The following ABCA13 variants were observed in gnomAD, a reference collection of about 807,000 sequenced individuals.
The protein encoded by ABCA13 is ATP-binding cassette sub-family A member 13.
A neutral mutation model predicts 478.7 loss-of-function variants in ABCA13; 476 were observed. That is an observed-to-expected ratio of 0.99 (90% CI 0.92 to 1.07). The LOEUF is 1.07. ABCA13 is among the 50% of genes least tolerant of loss of function. ABCA13 has a pLI of 0.00. For missense variants in ABCA13, 6,060 were observed against 5,910.6 expected (o/e 1.03, Z -0.83); for synonymous variants, 2,252 against 2,158.9 (o/e 1.04, Z -1.20).
chr7:48,631,990 T>G (rs961576777), intron 59 of ABCA13, among the ~76,000 whole-genome samples: 1 of 152,180 alleles, frequency 6.6e-6, no homozygotes, highest in African/African-American at 2.4e-5. Flanking sequence ...TGTATAGCAG[T>G]GCTACTGATT....
chr7:48,411,348 G>A (rs187857490), intron 40 of ABCA13, among the ~76,000 whole-genome samples: 26 of 81,168 alleles, frequency 3.2e-4, no homozygotes, highest in African/African-American at 1.2e-3. Flanking sequence ...TTGCTCTGTT[G>A]CCCAGGCTGG....
chr7:48,317,831 A>G (rs745955071), intron 27 of ABCA13, among the ~76,000 whole-genome samples: 1 of 152,198 alleles, frequency 6.6e-6, no homozygotes, highest in Non-Finnish European at 1.5e-5. Context: ...TTGAGACACT[A>G]TGTGGCTCTG....
At chr7:48,287,647 T>A (rs1265327522) in intron 19 of ABCA13, among the ~76,000 whole-genome samples, 1 of 152,126 alleles carries the variant, frequency 6.6e-6, no homozygotes, top group Non-Finnish European at 1.5e-5. Flanking sequence ...GAAAAGCAAG[T>A]CTGTCCTGGG....
Position 48,528,255 on chromosome 7 carries a change from T to G in ABCA13, c.14264T>G (p.Val4755Gly), listed in dbSNP as rs1246320086. ...PKGECFGLLG[V>G]NGAGKSTTFK... The stretch of plus-strand genomic sequence containing the variant: ...TCTTAGTGCTTTGGACTTCTAGGGG[T>G]GAATGGAGCTGGGAAGAGCACGACT... The change falls in exon 55 of 62, where the codon GTG becomes GGG. Residue 4755 changes from valine to glycine, a missense_variant. By Grantham distance (109) the Val-to-Gly change is moderately radical. Coordinates refer to ENST00000435803, the MANE Select transcript of ABCA13 (RefSeq NM_152701.5). 1 of 1,575,458 alleles carries G rather than the reference T, an allele frequency of 6.3e-7. No individual in the cohort carries two copies. Among genetic ancestry groups the G allele is most frequent in the African/African-American group, 1.3e-5 (1 of 74,192 alleles).
At chr7:48,245,688 C>T (rs1322469130) in intron 12 of ABCA13, 76 bp downstream of exon 12, 1 of 1,510,300 alleles carries the variant, frequency 6.6e-7, no homozygotes, top group Non-Finnish European at 9.0e-7. Context: ...TTCAGTTTTG[C>T]TCCTTTTGTG....
chr7:48,592,640 GACTGGTT>G (rs916333936), intron 57 of ABCA13, among the ~76,000 whole-genome samples: 1 of 151,796 alleles, frequency 6.6e-6, no homozygotes, highest in Non-Finnish European at 1.5e-5. Context: ...TTGATTTTCT[GACTGGTT>G]ATTCAATGTA....
intron 48 of ABCA13, among the ~76,000 whole-genome samples, chr7:48,505,491 C>T (rs898792656): frequency 4.3e-4 from 66 of 152,018 alleles, no homozygotes; most frequent in African/African-American, 1.5e-3. Context: ...AAATTAAAGG[C>T]GAGCCAAAAG....
Position 48,393,394 on chromosome 7 carries a change from C to T in ABCA13, c.11873+1255C>T, listed in dbSNP as rs146447158. ...AATGGATGGACTTTGCAAAGCAGAA[C>T]GTCAACCATGGCGTGAGTGTGTGGG... On this transcript the variant is annotated intron_variant, in intron 38 of 61. Coordinates refer to ENST00000435803, the MANE Select transcript of ABCA13 (RefSeq NM_152701.5). Among the ~76,000 whole-genome samples the T allele has an allele frequency of 2.1e-3, 315 of 152,274 alleles. 1 individual carries two copies. Among genetic ancestry groups the T allele is most frequent in the Middle Eastern group, 0.01 (3 of 294 alleles).
chr7:48,400,113 C>T (rs1160641625), intron 38 of ABCA13, among the ~76,000 whole-genome samples: 5 of 151,830 alleles, frequency 3.3e-5, no homozygotes, highest in Non-Finnish European at 7.4e-5. Flanking sequence ...ACCCATCTGA[C>T]TGATTTCATA....
chr7:48,239,623 AAC>A (rs1275551448), intron 9 of ABCA13, among the ~76,000 whole-genome samples: 1 of 152,204 alleles, frequency 6.6e-6, no homozygotes, highest in East Asian at 1.9e-4. Context: ...CTCATCACCA[AAC>A]AGTCTATCCT....
intron 42 of ABCA13, among the ~76,000 whole-genome samples, chr7:48,451,667 A>G: frequency 6.6e-6 from 1 of 152,178 alleles, no homozygotes; most frequent in East Asian, 1.9e-4. Context: ...ACTTGAAAGC[A>G]TTATGTTTGT....
At chr7:48,509,982 C>T (rs1259320633) in intron 50 of ABCA13, among the ~76,000 whole-genome samples, 1 of 152,174 alleles carries the variant, frequency 6.6e-6, no homozygotes, top group African/African-American at 2.4e-5. Flanking sequence ...TCTGGTCTTT[C>T]CAGCCTCCAG....
chr7:48,588,152 G>C (rs1273646609), intron 57 of ABCA13, among the ~76,000 whole-genome samples: 1 of 152,098 alleles, frequency 6.6e-6, no homozygotes, highest in Non-Finnish European at 1.5e-5. Context: ...ATCGTTTGCT[G>C]GTTGTCTCCT....
At chr7:48,424,824 T>C (rs1393410158) in intron 41 of ABCA13, among the ~76,000 whole-genome samples, 3 of 152,204 alleles carry the variant, frequency 2.0e-5, no homozygotes, top group Non-Finnish European at 4.4e-5. Flanking sequence ...AGACTCCAAA[T>C]CTTTGATTAC....
At chr7:48,314,447 C>A in intron 26 of ABCA13, 38 bp downstream of exon 26, 2 of 1,474,014 alleles carry the variant, frequency 1.4e-6, no homozygotes, top group South Asian at 1.3e-5. Flanking sequence ...TGTTTAGATT[C>A]GTTTGTATCT....
intron 55 of ABCA13, among the ~76,000 whole-genome samples, chr7:48,566,568 G>A (rs1169687700): frequency 6.6e-6 from 1 of 152,146 alleles, no homozygotes; most frequent in Non-Finnish European, 1.5e-5. Flanking sequence ...CAGTCAGAAT[G>A]AGCTCTGGTT....
chr7:48,469,919 C>CA (rs5884046), intron 44 of ABCA13, among the ~76,000 whole-genome samples: 24,004 of 134,230 alleles, frequency 0.18, 2,442 homozygotes, highest in Non-Finnish European at 0.24. Flanking sequence ...GACTCCATCT[C>CA]AAAAAAAAAA....
intron 1 of ABCA13, among the ~76,000 whole-genome samples, chr7:48,189,092 G>T (rs780943047): frequency 9.9e-5 from 15 of 152,146 alleles, no homozygotes; most frequent in African/African-American, 3.4e-4. Context: ...CTGTGCCAGC[G>T]CATTTGGACA....
chr7:48,426,167 G>A lies in ABCA13; in HGVS notation c.12460-1599G>A, dbSNP rs1324996716. ...ATCATTCTTCTTCTTATTATTATTT[G>A]CAATAGTAGTGAGGTTTACAGCTTT... On this transcript the variant is annotated intron_variant, in intron 41 of 61. Transcript: ENST00000435803. 2.0e-5 allele frequency among the ~76,000 whole-genome samples: 3 copies of A among 152,188 alleles called. 1 individual carries two copies. The East Asian group carries it at 5.8e-4, about 29-fold the overall frequency.
Sources: allele counts gnomAD v4.1 joint callset (sites outside exome capture counted in the v4.1 genomes callset), GRCh38; gene constraint gnomAD v4.1.1; transcripts MANE v1.5; gene names NCBI Gene and HGNC (gene_info 2026-07-23, HGNC 2026-07-21).